The following PLCXD3 variants were observed in gnomAD, a reference collection of about 807,000 sequenced individuals.
The protein encoded by PLCXD3 is PI-PLC X domain-containing protein 3.
Under a neutral mutation model 25.5 loss-of-function variants are expected in PLCXD3, and 19 were observed. The ratio of observed to expected loss-of-function variants is 0.75; its 90% CI spans 0.52 to 1.09. The LOEUF (loss-of-function observed/expected upper bound fraction) is 1.09, where lower values mean the gene tolerates loss of function less well. Ranked by LOEUF, PLCXD3 falls within the 50% of genes least tolerant of loss-of-function variation. PLCXD3 has a pLI of 0.00. For missense variants in PLCXD3, 411 were observed against 388.1 expected (o/e 1.06, Z -0.50); for synonymous variants, 174 against 137.6 (o/e 1.26, Z -1.85).
chr5:41,499,198 A>G (rs1195594398), intron 1 of PLCXD3, among the ~76,000 whole-genome samples: 1 of 151,604 alleles, frequency 6.6e-6, no homozygotes, highest in African/African-American at 2.4e-5. Context: ...ATCTAAATAG[A>G]AAAGGAAGTA....
intron 2 of PLCXD3, among the ~76,000 whole-genome samples, chr5:41,324,461 T>C (rs182713439): frequency 1.3e-5 from 2 of 152,310 alleles, no homozygotes; most frequent in East Asian, 3.9e-4. Flanking sequence ...AGGACTCAGT[T>C]GTTTCTAAAA....
intron 1 of PLCXD3, among the ~76,000 whole-genome samples, chr5:41,444,750 G>A (rs905690730): frequency 6.6e-6 from 1 of 152,110 alleles, no homozygotes; most frequent in Non-Finnish European, 1.5e-5. Flanking sequence ...CCCACTAATT[G>A]TGCAAGCAGA....
chr5:41,412,872 C>G (rs1051631870), intron 1 of PLCXD3, among the ~76,000 whole-genome samples: 1 of 152,108 alleles, frequency 6.6e-6, no homozygotes, highest in Non-Finnish European at 1.5e-5. Context: ...AACTGTAAAG[C>G]CTTTCTTTAA....
chr5:41,493,983 A>G (rs1748774872), intron 1 of PLCXD3, among the ~76,000 whole-genome samples: 1 of 152,092 alleles, frequency 6.6e-6, no homozygotes, highest in Admixed American at 6.5e-5. Flanking sequence ...AGTGAGATGA[A>G]CCTCGTACCT....
intron 2 of PLCXD3, among the ~76,000 whole-genome samples, chr5:41,318,618 T>C (rs1036979677): frequency 4.0e-5 from 6 of 151,438 alleles, no homozygotes; most frequent in African/African-American, 1.2e-4. Flanking sequence ...TAAGAAGCAA[T>C]AACTAAATCC....
At chr5:41,487,276 C>A (rs571664294) in intron 1 of PLCXD3, among the ~76,000 whole-genome samples, 1 of 152,150 alleles carries the variant, frequency 6.6e-6, no homozygotes, top group African/African-American at 2.4e-5. Flanking sequence ...CAAGATCATT[C>A]CTTGGCTTGA....
At chr5:41,421,489 C>G (rs1433624935) in intron 1 of PLCXD3, among the ~76,000 whole-genome samples, 1 of 152,142 alleles carries the variant, frequency 6.6e-6, no homozygotes, top group Non-Finnish European at 1.5e-5. Context: ...ATCACAAGGT[C>G]AGGATATTGA....
At chr5:41,317,739 A>G (rs1244833184) in intron 2 of PLCXD3, among the ~76,000 whole-genome samples, 4 of 152,018 alleles carry the variant, frequency 2.6e-5, no homozygotes, top group Admixed American at 1.3e-4. Context: ...TAAAGAATGC[A>G]TCAGAGTCAT....
intron 1 of PLCXD3, among the ~76,000 whole-genome samples, chr5:41,491,645 T>G (rs1264918627): frequency 6.6e-6 from 1 of 152,136 alleles, no homozygotes; most frequent in Non-Finnish European, 1.5e-5. Context: ...ATATTTAGGA[T>G]AGTTAGCTCT....
At chr5:41,467,155 T>A (rs1386611934) in intron 1 of PLCXD3, among the ~76,000 whole-genome samples, 1 of 152,200 alleles carries the variant, frequency 6.6e-6, no homozygotes, top group African/African-American at 2.4e-5. Context: ...ATGGCTACAC[T>A]AATTTACATT....
chr5:41,423,490 T>A (rs1159941396), intron 1 of PLCXD3, among the ~76,000 whole-genome samples: 1 of 152,148 alleles, frequency 6.6e-6, no homozygotes, highest in African/African-American at 2.4e-5. Context: ...GAATGATTAT[T>A]TTTATATTCT....
intron 2 of PLCXD3, among the ~76,000 whole-genome samples, chr5:41,374,421 G>C (rs1452682692): frequency 1.3e-5 from 2 of 152,082 alleles, no homozygotes; most frequent in Admixed American, 6.6e-5. Flanking sequence ...ATTCTGAATT[G>C]GTCCCGGCAC....
At chr5:41,420,110 TATAA>T (rs997887610) in intron 1 of PLCXD3, among the ~76,000 whole-genome samples, 1 of 152,198 alleles carries the variant, frequency 6.6e-6, no homozygotes, top group Admixed American at 6.5e-5. Flanking sequence ...GGGTATAAAT[TATAA>T]ATAAAGACAA....
intron 1 of PLCXD3, among the ~76,000 whole-genome samples, chr5:41,502,399 G>A (rs557019515): frequency 7.2e-5 from 11 of 151,860 alleles, no homozygotes; most frequent in South Asian, 2.1e-4. Context: ...GTATGTGTGC[G>A]GTGTGTGTGA....
chr5:41,437,294 T>C (rs1747277216), intron 1 of PLCXD3, among the ~76,000 whole-genome samples: 1 of 152,216 alleles, frequency 6.6e-6, no homozygotes, highest in African/African-American at 2.4e-5. Flanking sequence ...AGAAAAATGA[T>C]GAAGCTCTGG....
At chr5:41,443,792 A>G (rs1341838667) in intron 1 of PLCXD3, among the ~76,000 whole-genome samples, 1 of 152,206 alleles carries the variant, frequency 6.6e-6, no homozygotes, top group Non-Finnish European at 1.5e-5. Context: ...GGTGAAGTAC[A>G]GACAGACCAT....
intron 2 of PLCXD3, among the ~76,000 whole-genome samples, chr5:41,316,061 A>G (rs1048788312): frequency 6.6e-6 from 1 of 152,208 alleles, no homozygotes; most frequent in African/African-American, 2.4e-5. Flanking sequence ...CCTCTCCCCT[A>G]AACCCAGGCT....
intron 1 of PLCXD3, among the ~76,000 whole-genome samples, chr5:41,435,903 C>T (rs777887184): frequency 6.6e-5 from 10 of 152,232 alleles, no homozygotes; most frequent in Non-Finnish European, 1.2e-4. Flanking sequence ...TCTGTGGCCT[C>T]ATAGCCCTTG....
chr5:41,460,864 TTTTC>T (rs1747857201), intron 1 of PLCXD3, among the ~76,000 whole-genome samples: 1 of 152,030 alleles, frequency 6.6e-6, no homozygotes, highest in African/African-American at 2.4e-5. Flanking sequence ...TGTGAATTTT[TTTTC>T]TTATTACTAT....
Sources: gnomAD v4.1 joint callset for allele counts (sites outside exome capture counted in the v4.1 genomes callset) on GRCh38, gnomAD v4.1.1 for gene constraint, MANE v1.5 for transcripts, NCBI Gene and HGNC (gene_info 2026-07-23, HGNC 2026-07-21) for gene names.